Variants in PALM2AKAP2 observed in about 807,000 individuals in gnomAD.
PALM2AKAP2 encodes PALM2 and AKAP2 fusion, also known as PALM2-AKAP2 fusion protein.
A neutral mutation model predicts 71.5 loss-of-function variants in PALM2AKAP2; 37 were observed. That is an observed-to-expected ratio of 0.52 (90% CI 0.40 to 0.68). The LOEUF is 0.68. Ranked by LOEUF, PALM2AKAP2 falls within the 30% of genes least tolerant of loss-of-function variation. The pLI is 0.00. For missense variants in PALM2AKAP2, 1,224 were observed against 1,191.8 expected, an observed-to-expected ratio of 1.03 and a Z score of -0.40; for synonymous variants, 468 against 478.8, an observed-to-expected ratio of 0.98 and a Z score of 0.29.
At chr9:110,108,575 G>A (rs1835170751) in intron 1 of PALM2AKAP2, among the ~76,000 whole-genome samples, 1 of 152,034 alleles carries the variant, frequency 6.6e-6, no homozygotes, top group Non-Finnish European at 1.5e-5. Context: ...TGCTACAGGG[G>A]TGCAATCCAT....
intron 1 of PALM2AKAP2, among the ~76,000 whole-genome samples, chr9:110,079,514 T>C (rs1013350530): frequency 6.6e-6 from 1 of 151,916 alleles, no homozygotes; most frequent in African/African-American, 2.4e-5. Context: ...AAAAAAAATC[T>C]TCAAGTTGAG....
chr9:110,032,211 T>A (rs868104585), intron 7 of PALM2AKAP2, among the ~76,000 whole-genome samples: 4 of 152,174 alleles, frequency 2.6e-5, no homozygotes, highest in Non-Finnish European at 4.4e-5. Context: ...AATGTCTCCA[T>A]GTCTGTGTTA....
intron 1 of PALM2AKAP2, among the ~76,000 whole-genome samples, chr9:109,735,504 C>A (rs1828616763): frequency 6.6e-6 from 1 of 152,076 alleles, no homozygotes; most frequent in Non-Finnish European, 1.5e-5. Flanking sequence ...AGTCCAGTAA[C>A]TTTAATCTTC....
chr9:109,984,047 T>C (rs1832326892), intron 6 of PALM2AKAP2, among the ~76,000 whole-genome samples: 1 of 152,206 alleles, frequency 6.6e-6, no homozygotes, highest in South Asian at 2.1e-4. Context: ...TCTGATGAGA[T>C]GCTAAAAACT....
chr9:110,094,352 G>T (rs533794880), intron 1 of PALM2AKAP2, among the ~76,000 whole-genome samples: 1 of 152,130 alleles, frequency 6.6e-6, no homozygotes, highest in Non-Finnish European at 1.5e-5. Context: ...TCGTCTTTGC[G>T]CTAGGTAGCC....
chr9:110,146,131 C>G (rs745778816), intron 2 of PALM2AKAP2, among the ~76,000 whole-genome samples: 41 of 151,944 alleles, frequency 2.7e-4, no homozygotes, highest in Non-Finnish European at 5.4e-4. Flanking sequence ...ATCTCCTGAC[C>G]TTGTTATCCA....
chr9:109,729,362 A>G (rs1026408784), intron 1 of PALM2AKAP2, among the ~76,000 whole-genome samples: 9 of 152,326 alleles, frequency 5.9e-5, no homozygotes, highest in African/African-American at 2.2e-4. Flanking sequence ...CTCTGAAAAC[A>G]TAAGTGCAGG....
At chr9:109,677,235 T>C (rs953253824) in intron 1 of PALM2AKAP2, among the ~76,000 whole-genome samples, 1 of 152,198 alleles carries the variant, frequency 6.6e-6, no homozygotes, top group South Asian at 2.1e-4. Flanking sequence ...GGTACATTTA[T>C]TGACAAAGAG....
intron 1 of PALM2AKAP2, among the ~76,000 whole-genome samples, chr9:109,840,085 G>A (rs1428435539): frequency 6.6e-6 from 1 of 152,162 alleles, no homozygotes; most frequent in Non-Finnish European, 1.5e-5. Context: ...GAACAAAGGT[G>A]GAGGCATCAC....
chr9:109,869,375 C>T (rs12341582), intron 2 of PALM2AKAP2, among the ~76,000 whole-genome samples: 16,105 of 152,146 alleles, frequency 0.11, 1,109 homozygotes, highest in Admixed American at 0.18. Context: ...GTCGCTCAGG[C>T]TGGAGTTCAG....
chr9:109,715,932 T>C (rs1828313061), intron 1 of PALM2AKAP2, among the ~76,000 whole-genome samples: 1 of 152,188 alleles, frequency 6.6e-6, no homozygotes, highest in Non-Finnish European at 1.5e-5. Flanking sequence ...TTTTGAAGTG[T>C]TTTTCGTATG....
At chr9:109,992,043 A>G (rs1020852856) in intron 6 of PALM2AKAP2, among the ~76,000 whole-genome samples, 3 of 152,180 alleles carry the variant, frequency 2.0e-5, no homozygotes, top group Non-Finnish European at 1.5e-5. Flanking sequence ...GTGGCTTGAA[A>G]CAACCTTGTT....
chr9:110,117,969 C>T (rs1433440627), intron 1 of PALM2AKAP2, among the ~76,000 whole-genome samples: 3 of 107,518 alleles, frequency 2.8e-5, no homozygotes, highest in African/African-American at 9.3e-5. Context: ...ATATATATGT[C>T]GTTTTGTGTG....
At chr9:109,830,986 C>A (rs1387287196) in intron 1 of PALM2AKAP2, among the ~76,000 whole-genome samples, 1 of 152,060 alleles carries the variant, frequency 6.6e-6, no homozygotes, top group African/African-American at 2.4e-5. Flanking sequence ...GGTCATGCAA[C>A]AGGAGAATGA....
chr9:109,912,856 C>T (rs748938518), intron 3 of PALM2AKAP2, among the ~76,000 whole-genome samples: 4 of 152,184 alleles, frequency 2.6e-5, no homozygotes, highest in African/African-American at 4.8e-5. Context: ...GTGGTCTCTT[C>T]AGAGTTTTAC....
At position 110,161,925 on chromosome 9, in the gene PALM2AKAP2, T is replaced by C. The variant is rs553111066; in HGVS notation, c.2748+5428T>C. 9.2e-5 allele frequency among the ~76,000 whole-genome samples: 14 copies of C among 152,026 alleles called. No individual in the cohort carries two copies. In the South Asian group the frequency reaches 1.2e-3, roughly 14 times the overall value. ...CTAGTTGCTGCAAAGAATAGACTTA[T>C]AAATAAACTAATATCAGATGGAGAA... On this transcript the variant is annotated intron_variant, in intron 3 of 3. Transcript: ENST00000374525.
chr9:109,662,348 C>T (rs1827411980), intron 1 of PALM2AKAP2, among the ~76,000 whole-genome samples: 1 of 152,084 alleles, frequency 6.6e-6, no homozygotes, highest in Non-Finnish European at 1.5e-5. Flanking sequence ...TCCATCAGTA[C>T]CTTGTTTTTT....
At chr9:110,170,120 C>T (rs1836823053) in exon 4 of PALM2AKAP2, 1 of 152,238 alleles carries the variant, frequency 6.6e-6, no homozygotes, top group Non-Finnish European at 1.5e-5. Context: ...TTTAATCTTT[C>T]TGTCATTTAA....
At chr9:110,155,219 G>T (rs1836417327) in intron 2 of PALM2AKAP2, among the ~76,000 whole-genome samples, 1 of 152,190 alleles carries the variant, frequency 6.6e-6, no homozygotes, top group Admixed American at 6.5e-5. Context: ...GTCCCCTTCG[G>T]CTTGGAACTG....
Sources: gnomAD v4.1 joint callset for allele counts (sites outside exome capture counted in the v4.1 genomes callset) on GRCh38, gnomAD v4.1.1 for gene constraint, MANE v1.5 for transcripts, NCBI Gene and HGNC (gene_info 2026-07-23, HGNC 2026-07-21) for gene names.